Variants in ZNF541 observed in about 807,000 individuals in gnomAD.
ZNF541 encodes the protein zinc finger protein 541.
A neutral mutation model predicts 123.5 loss-of-function variants in ZNF541; 23 were observed. The observed-to-expected ratio is 0.19, with a 90% CI of 0.13 to 0.26. ZNF541 has a LOEUF of 0.26. ZNF541 is among the 10% of genes least tolerant of loss of function. The pLI is 1.00. For synonymous variants in ZNF541, 751 were observed against 754.5 expected, an observed-to-expected ratio of 1.00 and a Z score of 0.08; for missense variants, 1,612 against 1,789.9, an observed-to-expected ratio of 0.90 and a Z score of 1.79.
rs75437731 is a variant in ZNF541 at position 47,525,292 on chromosome 19, A to G, written c.3571-3298T>C. Among the ~76,000 whole-genome samples, 26 of 152,202 alleles carry G rather than the reference A, an allele frequency of 1.7e-4. No homozygotes were observed. In the East Asian group the frequency reaches 5.0e-3, roughly 29 times the overall value. ...GAGAGTGAAACTCTGTCTCCAAAAA[A>G]AAAAAAAAGTCAACTCTCCTCAATT... is the stretch of plus-strand genomic sequence containing the variant. On this transcript the variant is annotated intron_variant, in intron 14 of 16. Coordinates refer to ENST00000391901, the MANE Select transcript of ZNF541 (RefSeq NM_001277075.3).
At chr19:47,540,038 G>C in intron 7 of ZNF541, 138 bp downstream of exon 7, 1 of 1,420,810 alleles carries the variant, frequency 7.0e-7, no homozygotes, top group Non-Finnish European at 9.3e-7. Flanking sequence ...CCTGCCCCTG[G>C]AGAGCCACAC....
At chr19:47,532,005 C>T (rs1006962194) in intron 11 of ZNF541, 123 bp downstream of exon 11, 1 of 1,338,830 alleles carries the variant, frequency 7.5e-7, no homozygotes, top group Non-Finnish European at 1.0e-6. Flanking sequence ...CCAGCTCCCT[C>T]CCACGCCCAG....
chr19:47,543,367 C>T (rs1191877029), intron 5 of ZNF541, among the ~76,000 whole-genome samples: 1 of 151,934 alleles, frequency 6.6e-6, no homozygotes, highest in Non-Finnish European at 1.5e-5. Context: ...GCCCTCCAAA[C>T]ACAACATCTG....
At chr19:47,556,796 C>T (rs1343933327) in intron 2 of ZNF541, among the ~76,000 whole-genome samples, 3 of 136,780 alleles carry the variant, frequency 2.2e-5, no homozygotes, top group Non-Finnish European at 3.0e-5. Context: ...CTCATTCTGT[C>T]GCCCAGGCTG....
chr19:47,542,897 T>C (rs867238378), intron 5 of ZNF541, among the ~76,000 whole-genome samples: 2 of 152,062 alleles, frequency 1.3e-5, no homozygotes, highest in Non-Finnish European at 2.9e-5. Flanking sequence ...TGAGCTGAGA[T>C]AGCACCACTG....
Position 47,544,929 on chromosome 19 carries a change from C to A in ZNF541, c.1600G>T (p.Ala534Ser), listed in dbSNP as rs1485733099. ...AQKAGGLPAD[A>S]SPLFRQLFLK... ...AAGAGCTGGCGGAAGAGCGGCGAGG[C>A]ATCCGCAGGGAGCCCGCCTGCCTTC... Residue 534 changes from alanine (A) to serine (S), a missense_variant, in exon 5 of 17, where the codon GCC becomes TCC. This residue lies in a region of ZNF541 where 1,080 missense variants were observed against 1,013.8 expected (regional missense o/e 1.07). Transcript: ENST00000391901. The A allele has an allele frequency of 6.5e-7, 1 of 1,535,548 alleles. No homozygotes were observed. The highest frequency in any genetic ancestry group is 8.7e-7 in the Non-Finnish European group (1 of 1,146,750).
Position 47,528,885 on chromosome 19 carries a change from T to C in ZNF541, c.3570+65A>G. On this transcript the variant is annotated intron_variant, in intron 14 of 16. Transcript: ENST00000391901. ...GGGCCCTCCGACCCCCGACCAGCCC[T>C]GCAGCTCTAGCTTGTCTCAGCTGTG... 3 of 1,384,226 alleles carry C rather than the reference T, an allele frequency of 2.2e-6. No individual in the cohort carries two copies. The South Asian group carries it at 3.8e-5, about 17-fold the overall frequency. 85.7% of individuals were successfully genotyped at this position (1,384,226 alleles called of 1,614,324 possible). A position where few individuals can be genotyped will look rare whatever the true frequency, so the allele number is the denominator to read the frequency against.
At position 47,549,438 on chromosome 19, in the gene ZNF541, T is replaced by G. The variant is rs745583306; in HGVS notation, c.355A>C (p.Arg119=). The change falls in exon 4 of 17, where the codon AGG becomes CGG. Residue 119 remains arginine, a synonymous_variant. Coordinates refer to ENST00000391901, the MANE Select transcript of ZNF541 (RefSeq NM_001277075.3). ...LKAKEADEGG[R]ATSGSARKGK... is the part of the protein sequence containing the mutation. ...TTCCTGGCACTCCCCGAGGTGGCCC[T>G]TCCTCCTTCGTCAGCCTCTTTAGCC... 1.3e-6 allele frequency: 2 copies of G among 1,551,688 alleles called. No individual in the cohort carries two copies. Among genetic ancestry groups the G allele is most frequent in the South Asian group, 2.4e-5 (2 of 84,058 alleles).
At chr19:47,564,635 C>T (rs1971192693) in intron 2 of ZNF541, among the ~76,000 whole-genome samples, 1 of 151,926 alleles carries the variant, frequency 6.6e-6, no homozygotes, top group Non-Finnish European at 1.5e-5. Context: ...CAAGAATGGC[C>T]GTAATCAAAA....
intron 9 of ZNF541, among the ~76,000 whole-genome samples, chr19:47,536,162 G>A (rs994811915): frequency 2.0e-5 from 3 of 152,210 alleles, no homozygotes; most frequent in Non-Finnish European, 1.5e-5. Flanking sequence ...TTTCTGCCCT[G>A]GGTCGGCCAG....
At chr19:47,529,714 C>A (rs983468579) in intron 12 of ZNF541, 62 bp from the exon 13 acceptor site, 1 of 1,432,210 alleles carries the variant, frequency 7.0e-7, no homozygotes, top group Non-Finnish European at 9.6e-7. Context: ...CACAGGCATC[C>A]TCCCATTCAT....
At chr19:47,540,425 T>C in intron 6 of ZNF541, 90 bp from the exon 7 acceptor site, 1 of 1,348,764 alleles carries the variant, frequency 7.4e-7, no homozygotes, top group Non-Finnish European at 9.8e-7. Flanking sequence ...TTTTTGTCTA[T>C]AACTCCAATC....
Position 47,539,753 on chromosome 19 carries a change from T to C in ZNF541, c.2748A>G (p.Gln916=), listed in dbSNP as rs546513010. The C allele has an allele frequency of 2.7e-5, 40 of 1,463,262 alleles. No individual in the cohort carries two copies. Among genetic ancestry groups the C allele is most frequent in the East Asian group, 1.4e-4 (5 of 34,644 alleles). 90.6% of individuals were successfully genotyped at this position (1,463,262 alleles called of 1,614,324 possible). Residue 916 remains glutamine (Q), a synonymous_variant, in exon 8 of 17, where the codon CAA becomes CAG. Transcript: ENST00000391901. ...PTAAAPLVVP[Q]SIPVVPVTRH... is the part of the protein sequence containing the mutation. ...GGGTCACTGGAACCACGGGGATCGA[T>C]TGGGGGACCACCAAAGGGGCTGCAG...
chr19:47,538,244 G>T lies in ZNF541; in HGVS notation c.2992C>A (p.Pro998Thr). Residue 998 changes from proline to threonine, a missense_variant, in exon 9 of 17, where the codon CCA becomes ACA. Physicochemically the swap from Pro to Thr is conservative, Grantham distance 38. Transcript: ENST00000391901. Reference sequence around the variant, plus strand: ...CCCTCCCGGATGGGGCTGAGCATTGGGGGTGGTGTGTAGGGGGAGCACTGG... The same window carrying T: ...CCCTCCCGGATGGGGCTGAGCATTGTGGGTGGTGTGTAGGGGGAGCACTGG... ...LFQCSPYTPPPMLSPIREGSG... is the reference protein window; with the variant it reads ...LFQCSPYTPPTMLSPIREGSG... The T allele has an allele frequency of 2.6e-6, 4 of 1,551,632 alleles. No individual in the cohort carries two copies. Among genetic ancestry groups the T allele is most frequent in the South Asian group, 1.2e-5 (1 of 84,058 alleles).
At position 47,545,696 on chromosome 19, in the gene ZNF541, A is replaced by G; in HGVS notation, c.833T>C (p.Ile278Thr). ...LLPHRDLLRR[I>T]VSSIVHQKTP... Reference sequence around the variant, plus strand: ...CTTCTGGTGGACGATGCTACTCACGATGCGGCGCAGGAGGTCCCGGTGGGG... The same window carrying G: ...CTTCTGGTGGACGATGCTACTCACGGTGCGGCGCAGGAGGTCCCGGTGGGG... Residue 278 changes from isoleucine to threonine, a missense_variant, in exon 5 of 17, where the codon ATC becomes ACC. Around this residue, in one of 5 missense-constraint regions of ZNF541, gnomAD observed 1,080 missense variants for 1,013.8 expected, o/e 1.07. Coordinates refer to ENST00000391901, the MANE Select transcript of ZNF541 (RefSeq NM_001277075.3). The surrounding 1 kb of genome is among the most constrained non-coding windows in gnomAD (Gnocchi z 7.5). 1 of 1,547,766 alleles carries G rather than the reference A, an allele frequency of 6.5e-7. No individual in the cohort carries two copies. Among genetic ancestry groups the G allele is most frequent in the Non-Finnish European group, 8.7e-7 (1 of 1,146,712 alleles).
chr19:47,526,207 C>T (rs1361315916), intron 14 of ZNF541, among the ~76,000 whole-genome samples: 1 of 152,062 alleles, frequency 6.6e-6, no homozygotes, highest in Non-Finnish European at 1.5e-5. Flanking sequence ...GCCGGCTGGG[C>T]GCGGTGGCTC....
intron 2 of ZNF541, among the ~76,000 whole-genome samples, chr19:47,560,369 A>G (rs1437770733): frequency 6.6e-6 from 1 of 152,052 alleles, no homozygotes; most frequent in Non-Finnish European, 1.5e-5. Context: ...TGACATCAGG[A>G]GTTTGAGACC....
At chr19:47,533,611 G>A (rs1315798142) in intron 9 of ZNF541, among the ~76,000 whole-genome samples, 2 of 152,074 alleles carry the variant, frequency 1.3e-5, no homozygotes, top group Non-Finnish European at 1.5e-5. Context: ...GGGACACTGA[G>A]GTGGGCGGAT....
chr19:47,561,277 AT>A (rs1481651802), intron 2 of ZNF541, among the ~76,000 whole-genome samples: 9 of 151,468 alleles, frequency 5.9e-5, no homozygotes, highest in South Asian at 4.2e-4. Context: ...ATGAAAAAAA[AT>A]TTTTTTTTAA....
Sources: allele counts gnomAD v4.1 joint callset (sites outside exome capture counted in the v4.1 genomes callset), GRCh38; gene constraint gnomAD v4.1.1; regional missense constraint gnomAD v4.1.1; non-coding constraint Gnocchi (gnomAD v3.1); transcripts MANE v1.5; gene names NCBI Gene and HGNC (gene_info 2026-07-23, HGNC 2026-07-21).